The following BTK variants were observed in gnomAD, a reference collection of about 807,000 sequenced individuals.
BTK encodes Bruton tyrosine kinase, also known as tyrosine-protein kinase BTK.
In BTK, 5 loss-of-function variants were observed where a neutral mutation model predicts 57.4. That is an observed-to-expected ratio of 0.09 (90% CI 0.05 to 0.18). The LOEUF is 0.18. BTK is among the 10% of genes least tolerant of loss of function. The pLI, the probability that BTK is intolerant of heterozygous loss-of-function variation, is 1.00. For synonymous variants in BTK, 154 were observed against 174.3 expected (o/e 0.88, Z 0.92); for missense variants, 194 against 501.2 (o/e 0.39, Z 5.85).
rs2147435980 is a variant in BTK, at chrX:101,362,636, C to T, written c.445G>A (p.Asp149Asn). 3 of 1,210,528 alleles carry T rather than the reference C, an allele frequency of 2.5e-6. No individual in the cohort carries two copies. Among genetic ancestry groups the T allele is most frequent in the East Asian group, 3.0e-5 (1 of 33,786 alleles). ...TGAGAGCAGCAGAGATACTGCCCAT[C>T]GATCCAGAAGCAAGGGTGATATTTC... ...VQKYHPCFWIDGQYLCCSQTA... is the reference protein window; with the variant it reads ...VQKYHPCFWINGQYLCCSQTA... Residue 149 changes from aspartate to asparagine, a missense_variant, in exon 6 of 19, where the codon GAT becomes AAT. By Grantham distance (23) the Asp-to-Asn change is conservative. This residue lies in a region of BTK where 115 missense variants were observed against 258.3 expected (regional missense o/e 0.45). Coordinates refer to ENST00000308731, the MANE Select transcript of BTK (RefSeq NM_000061.3).
At chrX:101,390,418 C>T, upstream of BTK, 1 of 505,233 alleles carries the variant, frequency 2.0e-6, no homozygotes, top group East Asian at 3.6e-5. Context: ...ATCATTGTTC[C>T]TTTTCTTCAA....
intron 14 of BTK, 73 bp downstream of exon 14, chrX:101,356,711 C>A: frequency 8.7e-7 from 1 of 1,148,104 alleles, no homozygotes; most frequent in Non-Finnish European, 1.2e-6. Flanking sequence ...CATCTTTAAG[C>A]CTCAGTGGGT....
rs128621199 is a variant in BTK, at chrX:101,356,858, G to A, written c.1275C>T (p.Tyr425=). ...VVKYGKWRGQ[Y]DVAIKMIKEG... ...CTTTGATCATCTTGATGGCCACGTC[G>A]TACTGGCCTCTCCATTTCCCATACT... is the stretch of plus-strand genomic sequence containing the variant. The change falls in exon 14 of 19, where the codon TAC becomes TAT. Residue 425 remains tyrosine (Y), a synonymous_variant. Transcript: ENST00000308731. 2.3e-5 allele frequency: 28 copies of A among 1,209,594 alleles called. No individual in the cohort carries two copies. The East Asian group carries it at 6.2e-4, about 27-fold the overall frequency.
At chrX:101,355,750 C>T in intron 15 of BTK, 1 of 363,498 alleles carries the variant, frequency 2.8e-6, no homozygotes, top group East Asian at 5.1e-5. Context: ...TTGGGAAGCA[C>T]AGTCCCTTCT....
intron 1 of BTK, among the ~76,000 whole-genome samples, chrX:101,381,307 C>G (rs1245838185): frequency 9.0e-6 from 1 of 111,712 alleles, no homozygotes; most frequent in Non-Finnish European, 1.9e-5. Context: ...GTTACTTAGA[C>G]AAACTGGCAA....
At chrX:101,353,170 A>G (rs372424571) in intron 18 of BTK, 24 bp downstream of exon 18, 1 of 1,201,376 alleles carries the variant, frequency 8.3e-7, no homozygotes, top group African/African-American at 1.7e-5. Context: ...GAAATAATTT[A>G]AGAGATCCTA....
upstream of BTK, among the ~76,000 whole-genome samples, chrX:101,388,591 A>G (rs1450354134): frequency 8.9e-6 from 1 of 112,064 alleles, no homozygotes; most frequent in Non-Finnish European, 1.9e-5. Flanking sequence ...TCCCAAAAAG[A>G]TCTTGATCAC....
intron 15 of BTK, chrX:101,355,744 G>T: frequency 2.8e-6 from 1 of 354,012 alleles, no homozygotes; most frequent in African/African-American, 2.6e-5. Context: ...GTCCCATTGG[G>T]AAGCACAGTC....
intron 5 of BTK, among the ~76,000 whole-genome samples, chrX:101,363,887 C>CATTATTATTATT (rs72240121): frequency 2.6e-4 from 21 of 81,830 alleles, no homozygotes; most frequent in Non-Finnish European, 4.0e-4. Context: ...GAATCCCGCA[C>CATTATTATTATT]ATTATTATTA....
At chrX:101,379,161 A>T (rs1210837268) in intron 1 of BTK, among the ~76,000 whole-genome samples, 1 of 81,171 alleles carries the variant, frequency 1.2e-5, no homozygotes, top group African/African-American at 6.0e-5. Context: ...AGTCTCAAAA[A>T]AAAAATAAAA....
chrX:101,371,704 GT>G lies in BTK; in HGVS notation c.241-4del. ...TCACTGGACTCTTCACCTCTTCTCT[GT>G]AATGAAATAAGAAAAAATGGTTATT... On this transcript the variant is annotated splice_region_variant and splice_polypyrimidine_tract_variant and intron_variant, in intron 3 of 18. Coordinates refer to ENST00000308731, the MANE Select transcript of BTK (RefSeq NM_000061.3). 8.3e-7 allele frequency: 1 copy of G among 1,199,093 alleles called. No homozygotes were observed. Among genetic ancestry groups the G allele is most frequent in the Non-Finnish European group, 1.1e-6 (1 of 883,991 alleles).
intron 5 of BTK, among the ~76,000 whole-genome samples, chrX:101,365,334 C>T (rs782655908): frequency 1.7e-4 from 19 of 112,059 alleles, no homozygotes; most frequent in Admixed American, 3.8e-4. Context: ...CTTGCTAATA[C>T]GATAATGAGG....
intron 1 of BTK, among the ~76,000 whole-genome samples, chrX:101,377,010 G>A (rs1181602455): frequency 3.6e-5 from 4 of 111,183 alleles, no homozygotes; most frequent in Non-Finnish European, 7.5e-5. Context: ...AGATCGCTTT[G>A]CCACTTATCT....
chrX:101,384,073 T>C (rs1927537022), intron 1 of BTK, among the ~76,000 whole-genome samples: 1 of 111,805 alleles, frequency 8.9e-6, no homozygotes, highest in African/African-American at 3.3e-5. Context: ...ATTGTGGGTG[T>C]AGAAGGGGGT....
chrX:101,368,606 T>C (rs1294334936), intron 5 of BTK, among the ~76,000 whole-genome samples: 1 of 112,541 alleles, frequency 8.9e-6, no homozygotes, highest in Non-Finnish European at 1.9e-5. Flanking sequence ...AAATAAGTAA[T>C]ACATTTGAAG....
chrX:101,362,166 T>C lies in BTK; in HGVS notation c.588+7A>G. ...AAGCAGTGGCAGCACCCAGTTTCCC[T>C]GTATACCTGGTCCTCCTCAGGCGTT... On this transcript the variant is annotated splice_region_variant and intron_variant, in intron 7 of 18. Transcript: ENST00000308731. 8.3e-7 allele frequency: 1 copy of C among 1,211,136 alleles called. No homozygotes were observed. The highest frequency in any genetic ancestry group is 1.8e-5 in the South Asian group (1 of 56,983).
intron 1 of BTK, among the ~76,000 whole-genome samples, chrX:101,375,865 GAC>G (rs1393913582): frequency 9.0e-6 from 1 of 111,687 alleles, no homozygotes; most frequent in Non-Finnish European, 1.9e-5. Flanking sequence ...TGCAGTTCTG[GAC>G]ACACACTAAC....
chrX:101,372,040 A>G lies in BTK; in HGVS notation c.241-339T>C, dbSNP rs782381801. On this transcript the variant is annotated intron_variant, in intron 3 of 18. Transcript: ENST00000308731. ...ACCAAAGAAAATTCCAGATGGATTC[A>G]AGAGCTTAATATAAAAAATAAAACT... 4.5e-5 allele frequency among the ~76,000 whole-genome samples: 5 copies of G among 112,202 alleles called. No individual in the cohort carries two copies. In the South Asian group the frequency reaches 1.8e-3, roughly 41 times the overall value.
At chrX:101,374,699 G>T in intron 2 of BTK, 65 bp from the exon 3 acceptor site, 2 of 958,094 alleles carry the variant, frequency 2.1e-6, no homozygotes, top group Non-Finnish European at 3.0e-6. Context: ...CAGATGATTA[G>T]ATTTTGTTAT....
Sources: allele counts gnomAD v4.1 joint callset (sites outside exome capture counted in the v4.1 genomes callset), GRCh38; gene constraint gnomAD v4.1.1; regional missense constraint gnomAD v4.1.1; transcripts MANE v1.5; gene names NCBI Gene and HGNC (gene_info 2026-07-23, HGNC 2026-07-21).